PRKG2: variants seen among roughly 807,000 people sequenced by gnomAD.
PRKG2 encodes cGMP-dependent protein kinase 2.
Under a neutral mutation model 97.2 loss-of-function variants are expected in PRKG2, and 33 were observed. The ratio of observed to expected loss-of-function variants is 0.34; its 90% confidence interval spans 0.26 to 0.45. The LOEUF (loss-of-function observed/expected upper bound fraction) is 0.45, where lower values mean the gene tolerates loss of function less well. Among genes scored for constraint, PRKG2 ranks in the 20% least tolerant of loss-of-function variants. The pLI is 1.00. For missense variants in PRKG2, 638 were observed against 900.0 expected (o/e 0.71, Z 3.73); for synonymous variants, 330 against 321.8 (o/e 1.03, Z -0.27).
chr4:81,139,434 A>C (rs1411858428), intron 12 of PRKG2, among the ~76,000 whole-genome samples: 7 of 150,670 alleles, frequency 4.6e-5, no homozygotes, highest in Non-Finnish European at 1.0e-4. Context: ...TCAAACACAC[A>C]TATATATATA....
At chr4:81,201,681 A>G (rs1325832669) in intron 2 of PRKG2, among the ~76,000 whole-genome samples, 1 of 152,210 alleles carries the variant, frequency 6.6e-6, no homozygotes, top group Non-Finnish European at 1.5e-5. Flanking sequence ...CATGAATTAT[A>G]GGAACTGAAT....
At chr4:81,135,101 T>G in intron 14 of PRKG2, 54 bp downstream of exon 14, 1 of 1,496,626 alleles carries the variant, frequency 6.7e-7, no homozygotes, top group Non-Finnish European at 9.0e-7. Flanking sequence ...AGAACACAAC[T>G]TTTGCCAGGG....
intron 7 of PRKG2, 63 bp from the exon 8 acceptor site, chr4:81,152,117 A>G (rs1748464634): frequency 7.8e-7 from 1 of 1,274,900 alleles, no homozygotes; most frequent in East Asian, 2.3e-5. Flanking sequence ...CTGAACACAC[A>G]TTCATTCAAC....
chr4:81,158,818 G>T (rs1749346922), intron 6 of PRKG2, among the ~76,000 whole-genome samples: 1 of 152,054 alleles, frequency 6.6e-6, no homozygotes, highest in African/African-American at 2.4e-5. Context: ...TCTGATCTTT[G>T]AGAAACCTGA....
chr4:81,206,533 C>T (rs1232719066), intron 1 of PRKG2, among the ~76,000 whole-genome samples: 1 of 152,136 alleles, frequency 6.6e-6, no homozygotes, highest in Non-Finnish European at 1.5e-5. Flanking sequence ...ACAAATTACC[C>T]AGTCTCAGGT....
chr4:81,174,937 C>A lies in PRKG2; in HGVS notation c.484G>T (p.Ala162Ser), dbSNP rs1386860638. 6.2e-6 allele frequency: 10 copies of A among 1,610,980 alleles called. No homozygotes were observed. Among genetic ancestry groups the A allele is most frequent in the South Asian group, 1.1e-5 (1 of 90,532 alleles). Residue 162 changes from alanine (A) to serine (S), a missense_variant, in exon 3 of 19, where the codon GCC becomes TCC. This residue lies in a region of PRKG2 where 332 missense variants were observed against 421.7 expected (regional missense o/e 0.79). Coordinates refer to ENST00000264399, the MANE Select transcript of PRKG2 (RefSeq NM_006259.3). ...DSSEKKLITD[A>S]LNKNQFLKRL... ...TTCAGAAACTGATTTTTATTAAGGG[C>A]ATCTGTAATGAGCTTCTTCTCACTG...
chr4:81,156,454 G>C (rs1158286280), intron 6 of PRKG2, among the ~76,000 whole-genome samples: 1 of 152,108 alleles, frequency 6.6e-6, no homozygotes. Context: ...CCTGCAAAGA[G>C]ACTTAGACTC....
At chr4:81,159,952 A>C (rs1749465662) in intron 6 of PRKG2, among the ~76,000 whole-genome samples, 2 of 117,600 alleles carry the variant, frequency 1.7e-5, no homozygotes, top group African/African-American at 3.3e-5. Flanking sequence ...CACTCTGGGG[A>C]CCATTGTGGG....
chr4:81,161,553 A>G (rs868480733), intron 6 of PRKG2, among the ~76,000 whole-genome samples: 20 of 152,088 alleles, frequency 1.3e-4, no homozygotes, highest in Admixed American at 1.3e-3. Flanking sequence ...AGCTCAGGGG[A>G]AAATTCATTT....
chr4:81,175,582 T>C (rs1166647374), intron 2 of PRKG2: 1 of 152,120 alleles, frequency 6.6e-6, no homozygotes, highest in African/African-American at 2.4e-5. Flanking sequence ...GAGAAAGCCT[T>C]TGGGGCTTGG....
At chr4:81,131,608 C>T (rs768313699) in intron 14 of PRKG2, among the ~76,000 whole-genome samples, 8 of 151,944 alleles carry the variant, frequency 5.3e-5, no homozygotes, top group Non-Finnish European at 1.2e-4. Context: ...AAAATATTAC[C>T]CTATGTTTAC....
At chr4:81,136,617 C>T (rs2110029990) in intron 13 of PRKG2, among the ~76,000 whole-genome samples, 1 of 152,232 alleles carries the variant, frequency 6.6e-6, no homozygotes, top group African/African-American at 2.4e-5. Flanking sequence ...TGCCTCTCTG[C>T]CTTTCCAAAT....
intron 6 of PRKG2, among the ~76,000 whole-genome samples, chr4:81,162,973 G>T (rs573453946): frequency 4.5e-4 from 69 of 152,262 alleles, no homozygotes; most frequent in Middle Eastern, 6.8e-3. Flanking sequence ...CCTTTGATGT[G>T]TGCAGAGGTG....
chr4:81,150,990 T>A (rs553020400), intron 8 of PRKG2, among the ~76,000 whole-genome samples: 1 of 152,262 alleles, frequency 6.6e-6, no homozygotes, highest in East Asian at 1.9e-4. Flanking sequence ...ATTTTTTTGG[T>A]TTTCTTTAAA....
At chr4:81,212,945 G>A (rs1175929863) in intron 1 of PRKG2, among the ~76,000 whole-genome samples, 1 of 152,100 alleles carries the variant, frequency 6.6e-6, no homozygotes, top group African/African-American at 2.4e-5. Context: ...GCATGGGAGG[G>A]CAATCAAAAT....
rs1287906653 is a variant in PRKG2, at chr4:81,140,604, G to A, written c.1473C>T (p.Asp491=). The change falls in exon 12 of 19, where the codon GAC becomes GAT. Residue 491 remains aspartate, a synonymous_variant. Transcript: ENST00000264399. ...AGTAGACATGCTCCTGCTGCTTGGTGTCAACTATGTGCTTCTTCCTTATAC... is the reference window on the plus strand; with the variant it reads ...AGTAGACATGCTCCTGCTGCTTGGTATCAACTATGTGCTTCTTCCTTATAC... ...MKCIRKKHIV[D]TKQQEHVYSE... 5 of 1,612,808 alleles carry A rather than the reference G, an allele frequency of 3.1e-6. No homozygotes were observed. Among genetic ancestry groups the A allele is most frequent in the Non-Finnish European group, 4.2e-6 (5 of 1,179,114 alleles).
intron 14 of PRKG2, among the ~76,000 whole-genome samples, chr4:81,127,474 T>A (rs55888410): frequency 0.039 from 5,982 of 152,204 alleles, 412 homozygotes; most frequent in African/African-American, 0.14. Context: ...GAGCATGGAA[T>A]GTTTTTCTAT....
intron 1 of PRKG2, among the ~76,000 whole-genome samples, chr4:81,208,747 G>C (rs956534943): frequency 6.6e-6 from 1 of 152,116 alleles, no homozygotes; most frequent in East Asian, 1.9e-4. Context: ...CGGGAGTAAG[G>C]GACTCTTACT....
intron 2 of PRKG2, among the ~76,000 whole-genome samples, chr4:81,181,297 G>A (rs1419168101): frequency 2.0e-5 from 3 of 151,166 alleles, no homozygotes; most frequent in African/African-American, 4.9e-5. Flanking sequence ...ACAACCCATT[G>A]GTCAAAAATT....
Sources: gnomAD v4.1 joint callset for allele counts (sites outside exome capture counted in the v4.1 genomes callset) on GRCh38, gnomAD v4.1.1 for gene constraint, gnomAD v4.1.1 regional missense constraint, MANE v1.5 for transcripts, NCBI Gene and HGNC (gene_info 2026-07-23, HGNC 2026-07-21) for gene names.